Variants in TMEM204 observed in about 807,000 individuals in gnomAD.
TMEM204 encodes the protein claudin-like protein 24.
A neutral mutation model predicts 19.4 loss-of-function variants in TMEM204; 15 were observed. The observed-to-expected ratio is 0.77, with a 90% CI of 0.52 to 1.19. The LOEUF (loss-of-function observed/expected upper bound fraction) is 1.19, where lower values mean the gene tolerates loss of function less well. TMEM204 is among the 50% of genes most tolerant of loss of function. TMEM204 has a pLI of 0.00. For synonymous variants in TMEM204, 161 were observed against 146.0 expected, an observed-to-expected ratio of 1.10 and a Z score of -0.74; for missense variants, 287 against 321.2, an observed-to-expected ratio of 0.89 and a Z score of 0.81.
At chr16:1,554,596 G>A (rs371222614) in intron 2 of TMEM204, among the ~76,000 whole-genome samples, 186 bp from the exon 3 acceptor site, 1 of 152,192 alleles carries the variant, frequency 6.6e-6, no homozygotes, top group Non-Finnish European at 1.5e-5. Flanking sequence ...CAGCCGCCCC[G>A]TAAAGCAGGA....
In TMEM204 at chr16:1,551,410, AGTGACTGAGAGGG is replaced by A. The variant is rs1033378883; in HGVS notation, c.437-3368_437-3356del. On this transcript the variant is annotated intron_variant, in intron 2 of 2. Transcript: ENST00000566264. This position sits in a 1 kb window ranked among gnomAD's most constrained non-coding sequence, Gnocchi z 4.0. ...GGAGAAGCCCAGAGTAGGTGGACCC[AGTGACTGAGAGGG>A]GTGGAAAGGGCCACTGGGCCCCAGG... Among the ~76,000 whole-genome samples the A allele has an allele frequency of 2.0e-5, 3 of 152,124 alleles. No individual in the cohort carries two copies. The highest frequency in any genetic ancestry group is 7.2e-5 in the African/African-American group (3 of 41,426).
upstream of TMEM204, among the ~76,000 whole-genome samples, chr16:1,530,133 CTTTTTTTTTT>C (rs922819138): frequency 1.1e-5 from 1 of 88,596 alleles, no homozygotes; most frequent in African/African-American, 5.4e-5. Context: ...CGACGGGAAT[CTTTTTTTTTT>C]TTTTTTTTTT....
At chr16:1,542,154 T>A (rs1286266193) in intron 2 of TMEM204, 78 bp downstream of exon 2, 26 of 1,422,730 alleles carry the variant, frequency 1.8e-5, no homozygotes, top group Non-Finnish European at 2.4e-5. Context: ...TCCTGAGGCC[T>A]TGGGTGGCCT....
At chr16:1,554,111 T>C in intron 2 of TMEM204, 1 of 1,287,122 alleles carries the variant, frequency 7.8e-7, no homozygotes, top group Non-Finnish European at 1.0e-6. Context: ...CGAGAAGCAC[T>C]GACTCGGAAG....
Position 1,534,206 on chromosome 16 carries a change from T to A in TMEM204, c.-70T>A. ...TCTAGCCACCCCTAGCAGCGTCGGC[T>A]CTCCCTGGACGTGCGGCCGCGGACT... On this transcript the variant is annotated 5_prime_UTR_variant, in exon 1 of 3. Transcript: ENST00000566264. The A allele has an allele frequency of 2.5e-6, 4 of 1,579,042 alleles. No homozygotes were observed. Among genetic ancestry groups the A allele is most frequent in the Non-Finnish European group, 3.4e-6 (4 of 1,170,606 alleles).
chr16:1,541,600 G>A (rs183293680), intron 1 of TMEM204: 1 of 622,232 alleles, frequency 1.6e-6, no homozygotes, highest in East Asian at 1.4e-4. Flanking sequence ...CGCCTTCAAG[G>A]GTCAAGTCAG....
intron 2 of TMEM204, chr16:1,552,855 A>G: frequency 2.1e-6 from 1 of 485,306 alleles, no homozygotes; most frequent in Non-Finnish European, 2.7e-6. Context: ...GGGTTTCACC[A>G]TCTTGGCCAG....
At chr16:1,530,459 G>C (rs866049247), upstream of TMEM204, among the ~76,000 whole-genome samples, 1 of 152,076 alleles carries the variant, frequency 6.6e-6, no homozygotes, top group African/African-American at 2.4e-5. Context: ...AAAATCTCCC[G>C]ATTGTGCACA....
At position 1,549,329 on chromosome 16, in the gene TMEM204, C is replaced by T. The variant is rs754673810; in HGVS notation, c.437-5453C>T. On this transcript the variant is annotated intron_variant, in intron 2 of 2. Transcript: ENST00000566264. ...ATTTTCCCATCTGCTTCTGTGGCAA[C>T]AAAAATGCCAAGTAAGCTCCAGCCT... is the stretch of plus-strand genomic sequence containing the variant. Among the ~76,000 whole-genome samples the T allele has an allele frequency of 2.6e-5, 4 of 152,380 alleles. No individual in the cohort carries two copies. In the East Asian group the frequency reaches 5.8e-4, roughly 22 times the overall value.
intron 2 of TMEM204, chr16:1,552,991 C>A: frequency 1.0e-6 from 1 of 985,314 alleles, no homozygotes; most frequent in African/African-American, 1.7e-5. Flanking sequence ...TATCCAGGAG[C>A]TACCCATGTA....
At chr16:1,552,324 C>T (rs564415390) in intron 2 of TMEM204, among the ~76,000 whole-genome samples, 2 of 152,132 alleles carry the variant, frequency 1.3e-5, no homozygotes, top group East Asian at 3.9e-4. Flanking sequence ...TCCCACTGTC[C>T]CTGCCAAGAG....
chr16:1,534,280 C>T lies in TMEM204; in HGVS notation c.5C>T (p.Thr2Ile), dbSNP rs769815575. 7 of 1,611,766 alleles carry T rather than the reference C, an allele frequency of 4.3e-6. No homozygotes were observed. Among genetic ancestry groups the T allele is most frequent in the Non-Finnish European group, 5.9e-6 (7 of 1,179,798 alleles). The change falls in exon 1 of 3, where the codon ACC becomes ATC. Residue 2 changes from threonine to isoleucine, a missense_variant. Transcript: ENST00000566264. ...GCGGCGGCACCGGCGTCAGCGATGA[C>T]CGTGCAGAGACTCGTGGCCGCGGCC... MTVQRLVAAAVL... is the reference protein window; with the variant it reads MIVQRLVAAAVL...
At chr16:1,552,282 C>A (rs2032713232) in intron 2 of TMEM204, among the ~76,000 whole-genome samples, 1 of 152,060 alleles carries the variant, frequency 6.6e-6, no homozygotes, top group African/African-American at 2.4e-5. Flanking sequence ...GCTTGCATCG[C>A]CCCCCTGCTG....
intron 1 of TMEM204, 120 bp downstream of exon 1, chr16:1,534,675 G>T: frequency 1.4e-6 from 2 of 1,423,946 alleles, no homozygotes; most frequent in South Asian, 2.4e-5. Flanking sequence ...TGCCCTGAGC[G>T]TGGCCTCTGG....
intron 2 of TMEM204, among the ~76,000 whole-genome samples, chr16:1,544,142 C>T (rs1293948018): frequency 2.7e-5 from 4 of 149,798 alleles, no homozygotes; most frequent in South Asian, 2.1e-4. Flanking sequence ...CTCAGCCTCC[C>T]GTGTAGGTGG....
At chr16:1,554,583 G>C (rs2032938453) in intron 2 of TMEM204, among the ~76,000 whole-genome samples, 199 bp from the exon 3 acceptor site, 1 of 152,216 alleles carries the variant, frequency 6.6e-6, no homozygotes, top group Admixed American at 6.5e-5. Flanking sequence ...CTCAACACCA[G>C]GGCAGCCGCC....
In TMEM204 at chr16:1,553,162, T is replaced by C; in HGVS notation, c.437-1620T>C. 1 of 985,356 alleles carries C rather than the reference T, an allele frequency of 1.0e-6. No individual in the cohort carries two copies. The highest frequency in any genetic ancestry group is 1.2e-6 in the Non-Finnish European group (1 of 829,892). The allele number at this position is 985,356 out of a possible 1,614,324, so 61.0% of individuals were successfully genotyped here. On this transcript the variant is annotated intron_variant, in intron 2 of 2. Coordinates refer to ENST00000566264, the MANE Select transcript of TMEM204 (RefSeq NM_024600.6). This position sits in a 1 kb window ranked among gnomAD's most constrained non-coding sequence, Gnocchi z 4.4. ...GGGTTTTTAGGAAAAACAAGGCTGG[T>C]TACCCATCTCTTGCTCTCTGTCTCT...
intron 2 of TMEM204, among the ~76,000 whole-genome samples, chr16:1,548,019 A>G (rs987486316): frequency 6.6e-6 from 1 of 152,168 alleles, no homozygotes; most frequent in Non-Finnish European, 1.5e-5. Flanking sequence ...CCCACTCCCC[A>G]GGCATCAGTT....
chr16:1,547,459 TTC>T (rs2032268852), intron 2 of TMEM204, among the ~76,000 whole-genome samples: 1 of 152,234 alleles, frequency 6.6e-6, no homozygotes, highest in Non-Finnish European at 1.5e-5. Flanking sequence ...AAGTCTGCTG[TTC>T]TCTTAGACTT....
Sources: allele counts gnomAD v4.1 joint callset (sites outside exome capture counted in the v4.1 genomes callset), GRCh38; gene constraint gnomAD v4.1.1; non-coding constraint Gnocchi (gnomAD v3.1); transcripts MANE v1.5; gene names NCBI Gene and HGNC (gene_info 2026-07-23, HGNC 2026-07-21).